The following USH2A variants were observed in gnomAD, a reference collection of about 807,000 sequenced individuals.
USH2A encodes usherin.
USH2A carries 443 observed loss-of-function variants against 538.9 expected under a neutral mutation model. The ratio of observed to expected loss-of-function variants is 0.82; its 90% CI spans 0.76 to 0.89. The LOEUF (loss-of-function observed/expected upper bound fraction) is 0.89, where lower values mean the gene tolerates loss of function less well. Ranked by LOEUF, USH2A falls within the 40% of genes least tolerant of loss-of-function variation. The probability of loss-of-function intolerance (pLI) is 0.00; values close to 1 mark genes in which losing one functional copy is unlikely to be tolerated. For missense variants in USH2A, 6,633 were observed against 6,324.8 expected (o/e 1.05, Z -1.65); for synonymous variants, 2,413 against 2,273.5 (o/e 1.06, Z -1.75).
intron 46 of USH2A, among the ~76,000 whole-genome samples, chr1:215,840,734 C>T (rs115674798): frequency 0.011 from 1,664 of 152,266 alleles, 15 homozygotes; most frequent in South Asian, 0.024. Flanking sequence ...TTGTGTGTTT[C>T]GAGTCTTGGT....
intron 61 of USH2A, among the ~76,000 whole-genome samples, chr1:215,709,807 A>G (rs1317357766): frequency 6.6e-6 from 1 of 152,208 alleles, no homozygotes. Flanking sequence ...ATGTCACAAA[A>G]TCATACTAAA....
chr1:215,981,639 C>G (rs548764984), intron 35 of USH2A, among the ~76,000 whole-genome samples: 26 of 152,272 alleles, frequency 1.7e-4, no homozygotes, highest in African/African-American at 5.8e-4. Flanking sequence ...ACACTCCTTG[C>G]AACACTACCT....
chr1:216,098,935 G>A (rs182149248), intron 21 of USH2A, among the ~76,000 whole-genome samples: 3 of 152,276 alleles, frequency 2.0e-5, no homozygotes, highest in Non-Finnish European at 4.4e-5. Context: ...GGTTGTGAGG[G>A]AGACAGTTAG....
chr1:215,997,666 G>A (rs1558202217), intron 34 of USH2A, among the ~76,000 whole-genome samples: 1 of 152,168 alleles, frequency 6.6e-6, no homozygotes, highest in East Asian at 1.9e-4. Flanking sequence ...TATGTCATTT[G>A]CCTACTTCTG....
rs756424077 is a variant in USH2A at position 216,246,948 on chromosome 1, T to C, written c.2446A>G (p.Ile816Val). ...CTCCCTTCAACATTGGGCTTGCAGA[T>C]GCACTGCCCTGTCTTAGCATTACAG... ...TVCNAKTGQC[I>V]CKPNVEGRQC... The change falls in exon 13 of 72, where the codon ATC (isoleucine) becomes GTC (valine). Residue 816 changes from isoleucine to valine, a missense_variant. Coordinates refer to ENST00000307340, the MANE Select transcript of USH2A (RefSeq NM_206933.4). The C allele has an allele frequency of 1.9e-6, 3 of 1,614,106 alleles. No homozygotes were observed. Among genetic ancestry groups the C allele is most frequent in the South Asian group, 2.2e-5 (2 of 91,086 alleles).
At chr1:215,713,175 A>G (rs1433123605) in intron 61 of USH2A, among the ~76,000 whole-genome samples, 2 of 152,178 alleles carry the variant, frequency 1.3e-5, no homozygotes, top group Non-Finnish European at 2.9e-5. Context: ...TCAACACACT[A>G]TGACACCATG....
intron 14 of USH2A, among the ~76,000 whole-genome samples, chr1:216,223,510 C>T (rs1309618169): frequency 6.6e-6 from 1 of 152,168 alleles, no homozygotes; most frequent in African/African-American, 2.4e-5. Flanking sequence ...GGTTAAGCCT[C>T]GTGCCTTGCT....
chr1:215,836,515 TA>T (rs1663517925), intron 47 of USH2A, among the ~76,000 whole-genome samples: 1 of 32,978 alleles, frequency 3.0e-5, no homozygotes, highest in South Asian at 8.5e-4. Context: ...ATTATATATA[TA>T]TAATATATAT....
intron 27 of USH2A, among the ~76,000 whole-genome samples, chr1:216,075,906 A>C (rs2031732497): frequency 6.6e-6 from 1 of 152,146 alleles, no homozygotes; most frequent in South Asian, 2.1e-4. Context: ...TTCTGATGAA[A>C]AAAAAAAGGT....
At position 216,000,453 on chromosome 1, in the gene USH2A, G is replaced by A. The variant is rs754125117; in HGVS notation, c.6435C>T (p.His2145=). The A allele has an allele frequency of 2.5e-5, 40 of 1,613,546 alleles. No homozygotes were observed. Among genetic ancestry groups the A allele is most frequent in the South Asian group, 7.7e-5 (7 of 91,080 alleles). ...GGACAGTCAGAACTGGGGAATCCAC[G>A]TGTTCTGGTGGCAGCTGTGCTGTGT... The part of the protein sequence containing the change: ...LLYTAQLPPE[H]VDSPVLTVLD... The change falls in exon 33 of 72, where the codon CAC becomes CAT. Residue 2145 remains histidine (H), a synonymous_variant. Coordinates refer to ENST00000307340, the MANE Select transcript of USH2A (RefSeq NM_206933.4).
intron 37 of USH2A, among the ~76,000 whole-genome samples, chr1:215,945,571 A>T (rs1666738806): frequency 6.6e-6 from 1 of 152,304 alleles, no homozygotes; most frequent in South Asian, 2.1e-4. Flanking sequence ...TAAGAAAAAT[A>T]TTGAGAAATT....
intron 21 of USH2A, among the ~76,000 whole-genome samples, chr1:216,172,890 A>C (rs1156701176): frequency 1.3e-5 from 2 of 152,116 alleles, no homozygotes; most frequent in African/African-American, 2.4e-5. Flanking sequence ...TCACTTCCAA[A>C]GAACAGTCTA....
intron 32 of USH2A, among the ~76,000 whole-genome samples, chr1:216,007,714 T>C (rs1386575755): frequency 6.6e-6 from 1 of 152,200 alleles, no homozygotes; most frequent in African/African-American, 2.4e-5. Context: ...GTTGTCTCAA[T>C]AGTTATCCCT....
At chr1:216,134,487 CAGTATT>C (rs2033440600) in intron 21 of USH2A, among the ~76,000 whole-genome samples, 1 of 152,008 alleles carries the variant, frequency 6.6e-6, no homozygotes, top group Non-Finnish European at 1.5e-5. Flanking sequence ...AGGGAGTCAA[CAGTATT>C]AGTTTAATCA....
intron 71 of USH2A, among the ~76,000 whole-genome samples, chr1:215,627,144 C>T (rs964201947): frequency 1.3e-5 from 2 of 152,052 alleles, no homozygotes; most frequent in African/African-American, 2.4e-5. Context: ...CTGGGTCCAG[C>T]GAACTCCCTT....
intron 41 of USH2A, among the ~76,000 whole-genome samples, chr1:215,887,988 C>T (rs1056679667): frequency 1.2e-4 from 19 of 152,272 alleles, no homozygotes; most frequent in Non-Finnish European, 2.2e-4. Flanking sequence ...TTCTGGATAG[C>T]CCGTTAATAT....
intron 4 of USH2A, among the ~76,000 whole-genome samples, chr1:216,334,470 C>T (rs1302221476): frequency 6.6e-6 from 1 of 151,920 alleles, no homozygotes; most frequent in African/African-American, 2.4e-5. Flanking sequence ...ATTGTAACTA[C>T]CTTATCAGTC....
Position 216,073,107 on chromosome 1 carries a change from C to T in USH2A, c.5766G>A (p.Gln1922=), listed in dbSNP as rs1278885062. 6.2e-7 allele frequency: 1 copy of T among 1,613,732 alleles called. No individual in the cohort carries two copies. Among genetic ancestry groups the T allele is most frequent in the African/African-American group, 1.3e-5 (1 of 74,892 alleles). Residue 1922 remains glutamine, a synonymous_variant, in exon 28 of 72, where the codon CAG becomes CAA. Coordinates refer to ENST00000307340, the MANE Select transcript of USH2A (RefSeq NM_206933.4). The stretch of plus-strand genomic sequence containing the variant: ...GGACCTCCACATTACCTGTAAAAGG[C>T]TGGAGACCACCCTCGTAAACACTCT... ...KEQSVYEGGL[Q]PFTEYLYRVI...
chr1:216,213,003 C>G (rs138102379), intron 15 of USH2A, among the ~76,000 whole-genome samples: 1 of 152,182 alleles, frequency 6.6e-6, no homozygotes, highest in East Asian at 1.9e-4. Context: ...ATAAAAGGAA[C>G]AGTGCATAGA....
Sources: allele counts gnomAD v4.1 joint callset (sites outside exome capture counted in the v4.1 genomes callset), GRCh38; gene constraint gnomAD v4.1.1; transcripts MANE v1.5; gene names NCBI Gene and HGNC (gene_info 2026-07-23, HGNC 2026-07-21).